GNA14: variants seen among roughly 807,000 people sequenced by gnomAD.
GNA14 encodes G protein subunit alpha 14.
Under a neutral mutation model 42.0 loss-of-function variants are expected in GNA14, and 50 were observed. The observed-to-expected ratio is 1.19, with a 90% confidence interval of 0.95 to 1.51. The LOEUF is 1.51. Among genes scored for constraint, GNA14 ranks in the 40% most tolerant of loss-of-function variants. GNA14 has a pLI of 0.00. For missense variants in GNA14, 473 were observed against 446.2 expected (o/e 1.06, Z -0.54); for synonymous variants, 173 against 163.1 (o/e 1.06, Z -0.46).
intron 1 of GNA14, among the ~76,000 whole-genome samples, chr9:77,531,306 G>A (rs1355469049): frequency 1.3e-5 from 2 of 152,170 alleles, no homozygotes; most frequent in East Asian, 3.9e-4. Flanking sequence ...AGAAAAACGA[G>A]ACATGAATTG....
intron 2 of GNA14, among the ~76,000 whole-genome samples, chr9:77,438,500 T>G (rs1835675041): frequency 6.6e-6 from 1 of 151,990 alleles, no homozygotes; most frequent in South Asian, 2.1e-4. Flanking sequence ...ACTCCTGACT[T>G]CAAGTGATCC....
At chr9:77,482,284 G>A (rs1327680928) in intron 2 of GNA14, among the ~76,000 whole-genome samples, 1 of 152,078 alleles carries the variant, frequency 6.6e-6, no homozygotes, top group Non-Finnish European at 1.5e-5. Flanking sequence ...GTCTGTAAAG[G>A]ATTTTATTTC....
intron 1 of GNA14, among the ~76,000 whole-genome samples, chr9:77,564,662 G>T (rs1240327441): frequency 1.3e-5 from 2 of 151,808 alleles, no homozygotes; most frequent in African/African-American, 4.8e-5. Context: ...ACAAAACCCT[G>T]TCTCTACTAA....
chr9:77,547,233 T>A (rs1837731278), intron 1 of GNA14, among the ~76,000 whole-genome samples: 2 of 152,176 alleles, frequency 1.3e-5, no homozygotes, highest in African/African-American at 2.4e-5. Flanking sequence ...GGAAACACAG[T>A]GAAAAAGGTC....
At chr9:77,560,466 T>C (rs1389078395) in intron 1 of GNA14, among the ~76,000 whole-genome samples, 2 of 151,904 alleles carry the variant, frequency 1.3e-5, no homozygotes, top group African/African-American at 4.8e-5. Context: ...ATTATGTTGT[T>C]TTTTGTTTGT....
intron 2 of GNA14, among the ~76,000 whole-genome samples, chr9:77,480,942 CTTCT>C (rs1467780489): frequency 2.0e-5 from 3 of 151,994 alleles, no homozygotes; most frequent in South Asian, 2.1e-4. Flanking sequence ...TCTCTCTTTT[CTTCT>C]TTATTAGTCT....
chr9:77,569,285 C>G (rs960334397), intron 1 of GNA14, among the ~76,000 whole-genome samples: 7 of 151,984 alleles, frequency 4.6e-5, no homozygotes, highest in African/African-American at 1.7e-4. Context: ...TGGTAACTAG[C>G]AAGGGGGGCA....
At position 77,472,728 on chromosome 9, in the gene GNA14, A is replaced by T. The variant is rs1177033783; in HGVS notation, c.310-38206T>A. Among the ~76,000 whole-genome samples, 3 of 151,592 alleles carry T rather than the reference A, an allele frequency of 2.0e-5. No homozygotes were observed. In the East Asian group the frequency reaches 5.9e-4, roughly 30 times the overall value. ...GAGGCAGTTAGGTTTAGATGAAGTC[A>T]TGAGAGTGGTGCCGTCACGATGGGA... On this transcript the variant is annotated intron_variant, in intron 2 of 6. Coordinates refer to ENST00000341700, the MANE Select transcript of GNA14 (RefSeq NM_004297.4).
intron 3 of GNA14, chr9:77,431,809 C>T: frequency 5.0e-6 from 1 of 199,878 alleles, no homozygotes; most frequent in Non-Finnish European, 1.0e-5. Context: ...GTCATCCTCC[C>T]TCCAGAGCCC....
chr9:77,642,888 T>A (rs919226577), intron 1 of GNA14, among the ~76,000 whole-genome samples: 1 of 152,326 alleles, frequency 6.6e-6, no homozygotes, highest in East Asian at 1.9e-4. Flanking sequence ...GAAATTTCCC[T>A]AGATGGTGAG....
intron 2 of GNA14, among the ~76,000 whole-genome samples, chr9:77,449,615 G>A (rs1369917773): frequency 6.6e-6 from 1 of 152,130 alleles, no homozygotes; most frequent in East Asian, 1.9e-4. Context: ...GGGCGCTGCT[G>A]ACTTTTAAGA....
chr9:77,457,454 C>T (rs903155573), intron 2 of GNA14, among the ~76,000 whole-genome samples: 1 of 152,146 alleles, frequency 6.6e-6, no homozygotes, highest in Non-Finnish European at 1.5e-5. Flanking sequence ...AGGGACTAAG[C>T]CCAATTGTGT....
At position 77,424,172 on chromosome 9, in the gene GNA14, A is replaced by C. The variant is rs1437750254; in HGVS notation, c.878-3T>G. ...AGCTCTGACATCCTGTTTCGGTCCT[A>C]GTCACAAGTGCAATTACAGGAATAA... On this transcript the variant is annotated splice_polypyrimidine_tract_variant and splice_region_variant and intron_variant, in intron 6 of 6. Transcript: ENST00000341700. The C allele has an allele frequency of 1.3e-6, 2 of 1,597,632 alleles. No homozygotes were observed. Among genetic ancestry groups the C allele is most frequent in the Non-Finnish European group, 1.7e-6 (2 of 1,169,768 alleles).
At chr9:77,532,295 A>G (rs1587820190) in intron 1 of GNA14, among the ~76,000 whole-genome samples, 1 of 152,312 alleles carries the variant, frequency 6.6e-6, no homozygotes, top group East Asian at 1.9e-4. Flanking sequence ...ATTTCCCCCA[A>G]GTACATGGTC....
At chr9:77,544,661 C>A in intron 1 of GNA14, among the ~76,000 whole-genome samples, 1 of 136,652 alleles carries the variant, frequency 7.3e-6, no homozygotes, top group Admixed American at 7.5e-5. Flanking sequence ...AAGATCACGT[C>A]ACTGCATCTC....
At chr9:77,485,006 T>C (rs749906708) in intron 2 of GNA14, among the ~76,000 whole-genome samples, 3 of 152,258 alleles carry the variant, frequency 2.0e-5, no homozygotes, top group Non-Finnish European at 4.4e-5. Flanking sequence ...CTCAGGATGG[T>C]GGTTGCTAAA....
At chr9:77,462,932 G>A (rs796759131) in intron 2 of GNA14, among the ~76,000 whole-genome samples, 8 of 152,096 alleles carry the variant, frequency 5.3e-5, no homozygotes, top group African/African-American at 1.9e-4. Flanking sequence ...TTCCCTGTGG[G>A]GCTCCGTGCC....
chr9:77,574,710 C>A (rs1481974053), intron 1 of GNA14, among the ~76,000 whole-genome samples: 1 of 152,188 alleles, frequency 6.6e-6, no homozygotes, highest in African/African-American at 2.4e-5. Flanking sequence ...ATCTCAGTAG[C>A]TTAATATAAT....
chr9:77,628,277 G>A (rs1033073687), intron 1 of GNA14, among the ~76,000 whole-genome samples: 2 of 151,752 alleles, frequency 1.3e-5, no homozygotes, highest in South Asian at 2.1e-4. Context: ...TCATGCTCAC[G>A]GATAGAACCA....
Sources: gnomAD v4.1 joint callset for allele counts (sites outside exome capture counted in the v4.1 genomes callset) on GRCh38, gnomAD v4.1.1 for gene constraint, MANE v1.5 for transcripts, NCBI Gene and HGNC (gene_info 2026-07-23, HGNC 2026-07-21) for gene names.